COL6A2: variants seen among roughly 807,000 people sequenced by gnomAD.
COL6A2 encodes the protein collagen alpha-2(VI) chain.
In COL6A2, 90 loss-of-function variants were observed where a neutral mutation model predicts 124.9. The observed-to-expected ratio is 0.72, with a 90% CI of 0.61 to 0.86. The LOEUF is 0.86. Ranked by LOEUF, COL6A2 falls within the 40% of genes least tolerant of loss-of-function variation. The pLI is 0.00. For missense variants in COL6A2, 1,607 were observed against 1,502.5 expected (o/e 1.07, Z -1.15); for synonymous variants, 793 against 618.2 (o/e 1.28, Z -4.19).
intron 1 of COL6A2, among the ~76,000 whole-genome samples, chr21:46,107,894 C>A (rs2078351567): frequency 6.6e-6 from 1 of 152,176 alleles, no homozygotes; most frequent in Non-Finnish European, 1.5e-5. Flanking sequence ...ACCCCAGCCA[C>A]CTTGGGTACA....
intron 27 of COL6A2, chr21:46,128,975 G>A (rs201936441): frequency 2.7e-4 from 439 of 1,608,882 alleles, no homozygotes; most frequent in Non-Finnish European, 3.5e-4. Context: ...GCCACCGTGC[G>A]GGTCTCCTAG....
chr21:46,118,419 C>T (rs1048874176), intron 12 of COL6A2, among the ~76,000 whole-genome samples, 195 bp from the exon 13 acceptor site: 16 of 152,320 alleles, frequency 1.1e-4, no homozygotes, highest in African/African-American at 3.4e-4. Flanking sequence ...GCGTCCTGCC[C>T]GTGACACACA....
At position 46,131,996 on chromosome 21, in the gene COL6A2, T is replaced by G; in HGVS notation, c.2504T>G (p.Val835Gly). The change falls in exon 28 of 28, where the codon GTC becomes GGC. Residue 835 changes from valine to glycine, a missense_variant. Around this residue, in one of 3 missense-constraint regions of COL6A2, gnomAD observed 1,223 missense variants for 1,052.2 expected, o/e 1.16. Transcript: ENST00000300527. ...TGCACGCAGCGGCCCGTGGACATCG[T>G]CTTCCTGCTGGACGGCTCCGAGCGG... ...AQCTQRPVDI[V>G]FLLDGSERLG... 6.2e-7 allele frequency: 1 copy of G among 1,610,170 alleles called. No individual in the cohort carries two copies. The highest frequency in any genetic ancestry group is 8.5e-7 in the Non-Finnish European group (1 of 1,179,436).
chr21:46,101,886 G>A (rs2078291671), intron 1 of COL6A2, among the ~76,000 whole-genome samples: 2 of 116,996 alleles, frequency 1.7e-5, no homozygotes, highest in Non-Finnish European at 1.7e-5. Context: ...GGCTATTCGA[G>A]GTCCCTTGAG....
rs2078482499 is a variant in COL6A2 at position 46,116,968 on chromosome 21, C to T, written c.999+154C>T. On this transcript the variant is annotated intron_variant, in intron 10 of 27. Transcript: ENST00000300527. The surrounding 1 kb of genome is among the most constrained non-coding windows in gnomAD (Gnocchi z 4.6). Reference sequence around the variant, plus strand: ...ACACACACACACACGAACTTCAGCTCCTGCCACATCCCACTGCCCCACCCA... The same window carrying T: ...ACACACACACACACGAACTTCAGCTTCTGCCACATCCCACTGCCCCACCCA... Among the ~76,000 whole-genome samples, 2 of 150,048 alleles carry T rather than the reference C, an allele frequency of 1.3e-5. No homozygotes were observed. The highest frequency in any genetic ancestry group is 2.5e-5 in the African/African-American group (1 of 40,506).
Position 46,112,145 on chromosome 21 carries a change from G to A in COL6A2, c.282G>A (p.Trp94Ter). The A allele has an allele frequency of 6.2e-7, 1 of 1,613,134 alleles. No individual in the cohort carries two copies. Among genetic ancestry groups the A allele is most frequent in the Non-Finnish European group, 8.5e-7 (1 of 1,180,030 alleles). Residue 94 changes from tryptophan to a stop codon, truncating the protein, a stop_gained, in exon 3 of 28, where the codon TGG (tryptophan) becomes TGA (stop). Transcript: ENST00000300527. LOFTEE classifies it high-confidence loss of function. ...ACCTGGACCAGGTGGCGCTGAGCTG[G>A]CGCTACGGCGGCCTGCACTTCTCTG... ...EFYLDQVALSWRYGGLHFSDQ... is the reference protein window; with the variant it reads ...EFYLDQVALS
chr21:46,130,970 C>G (rs777525211), intron 27 of COL6A2, among the ~76,000 whole-genome samples: 1 of 152,246 alleles, frequency 6.6e-6, no homozygotes, highest in Non-Finnish European at 1.5e-5. Context: ...GTGTTCAGAG[C>G]TTTGCTCACT....
Position 46,132,837 on chromosome 21 carries a change from G to C in COL6A2, c.*285G>C, listed in dbSNP as rs1364123659. 5.7e-6 allele frequency: 3 copies of C among 525,366 alleles called. No individual in the cohort carries two copies. The highest frequency in any genetic ancestry group is 1.0e-5 in the Non-Finnish European group (3 of 289,788). 32.5% of individuals were successfully genotyped at this position (525,366 alleles called of 1,614,324 possible). On this transcript the variant is annotated 3_prime_UTR_variant, in exon 28 of 28. Transcript: ENST00000300527. ...TGGAGCAAGCCCTGACCCAATAAAG[G>C]CTTTGAACCCATTGCGTGCCTGCTT...
intron 4 of COL6A2, chr21:46,113,788 C>A: frequency 1.6e-6 from 1 of 621,210 alleles, no homozygotes; most frequent in Non-Finnish European, 2.9e-6. Flanking sequence ...GCCTAGAACA[C>A]CTGACCGAGA....
chr21:46,132,245 G>A lies in COL6A2; in HGVS notation c.2753G>A (p.Gly918Asp). Residue 918 changes from glycine to aspartate, a missense_variant, in exon 28 of 28, where the codon GGC (glycine) becomes GAC (aspartate). Around this residue, in one of 3 missense-constraint regions of COL6A2, gnomAD observed 1,223 missense variants for 1,052.2 expected, o/e 1.16. Coordinates refer to ENST00000300527, the MANE Select transcript of COL6A2 (RefSeq NM_001849.4). The stretch of plus-strand genomic sequence containing the variant: ...TACCTGAACTCCTTCTCGCACGTGG[G>A]CGCAGGCGTGGTGCACGCCATCAAT... Reference protein sequence around the residue: ...TQYLNSFSHVGAGVVHAINAI... With the variant: ...TQYLNSFSHVDAGVVHAINAI... 2 of 1,603,636 alleles carry A rather than the reference G, an allele frequency of 1.2e-6. No homozygotes were observed. Among genetic ancestry groups the A allele is most frequent in the South Asian group, 1.1e-5 (1 of 90,150 alleles).
intron 4 of COL6A2, 176 bp from the exon 5 acceptor site, chr21:46,113,832 G>C: frequency 2.9e-6 from 2 of 685,084 alleles, no homozygotes; most frequent in Non-Finnish European, 5.3e-6. Flanking sequence ...GATGGGGGCA[G>C]AGCCTCACAG....
At chr21:46,109,090 C>T (rs762076165) in intron 1 of COL6A2, among the ~76,000 whole-genome samples, 61 of 152,122 alleles carry the variant, frequency 4.0e-4, no homozygotes, top group African/African-American at 1.1e-3. Context: ...GGCAGGTCAT[C>T]CCATTGTCTC....
rs747184649 is a variant in COL6A2, at chr21:46,112,195, C to T, written c.332C>T (p.Pro111Leu). The T allele has an allele frequency of 1.7e-5, 28 of 1,612,834 alleles. No homozygotes were observed. The highest frequency in any genetic ancestry group is 1.6e-4 in the Middle Eastern group (1 of 6,084). The change falls in exon 3 of 28, where the codon CCG becomes CTG. Residue 111 changes from proline to leucine, a missense_variant. Pro to Leu is a moderately conservative substitution (Grantham distance 98). Coordinates refer to ENST00000300527, the MANE Select transcript of COL6A2 (RefSeq NM_001849.4). ...FSDQVEVFSP[P>L]GSDRASFIKN... ...GACCAGGTGGAGGTGTTCAGCCCAC[C>T]GGGCAGCGACCGGGCCTCCTTCATC...
Position 46,115,971 on chromosome 21 carries a change from C to G in COL6A2, c.856-38C>G, listed in dbSNP as rs1195088692. On this transcript the variant is annotated intron_variant, in intron 6 of 27. Coordinates refer to ENST00000300527, the MANE Select transcript of COL6A2 (RefSeq NM_001849.4). ...CCCGCCCCGCCTGCAGCCCAGCGCC[C>G]CAGGGCTGGGCTCACACTGCTGCGT... 3.7e-6 allele frequency: 6 copies of G among 1,611,310 alleles called. No individual in the cohort carries two copies. In the African/African-American group the frequency reaches 5.3e-5, roughly 14 times the overall value.
In COL6A2 at chr21:46,122,165, C is replaced by CA; in HGVS notation, c.1572+8dup. ...AGGACCCCGAGGAGCACCCGTGAGT[C>CA]ACAGCCTGGGATGGCAGCTCCCAGG... On this transcript the variant is annotated splice_region_variant and intron_variant, in intron 19 of 27. Transcript: ENST00000300527. The CA allele has an allele frequency of 6.2e-7, 1 of 1,612,376 alleles. No individual in the cohort carries two copies. The highest frequency in any genetic ancestry group is 1.1e-5 in the South Asian group (1 of 90,936).
At position 46,125,457 on chromosome 21, in the gene COL6A2, C is replaced by CT. The variant is rs776746362; in HGVS notation, c.1817-8_1817-7insT. 2 of 1,612,594 alleles carry CT rather than the reference C, an allele frequency of 1.2e-6. No individual in the cohort carries two copies. Among genetic ancestry groups the CT allele is most frequent in the South Asian group, 2.2e-5 (2 of 91,070 alleles). ...CGGTACCCCCCGATGACCCTGCCAC[C>CT]CCCCCAGACTGTGAGAAGCGCTGTG... On this transcript the variant is annotated splice_region_variant and splice_polypyrimidine_tract_variant and intron_variant, in intron 24 of 27. Coordinates refer to ENST00000300527, the MANE Select transcript of COL6A2 (RefSeq NM_001849.4).
intron 1 of COL6A2, among the ~76,000 whole-genome samples, chr21:46,110,640 A>G (rs1046700191): frequency 2.0e-5 from 3 of 151,184 alleles, no homozygotes; most frequent in Non-Finnish European, 4.4e-5. Context: ...GTGCTTGGAC[A>G]CTCCTCCCAT....
chr21:46,127,846 C>T (rs1362478886), intron 27 of COL6A2, among the ~76,000 whole-genome samples: 1 of 152,160 alleles, frequency 6.6e-6, no homozygotes, highest in Non-Finnish European at 1.5e-5. Flanking sequence ...GACCTTTCCT[C>T]TTTAGCCTAT....
intron 15 of COL6A2, 70 bp from the exon 16 acceptor site, chr21:46,120,445 C>T (rs1317773782): frequency 1.3e-5 from 17 of 1,304,872 alleles, no homozygotes; most frequent in South Asian, 1.0e-4. Flanking sequence ...CGGCCACACC[C>T]GCCTCTCACA....
Sources: gnomAD v4.1 joint callset for allele counts (sites outside exome capture counted in the v4.1 genomes callset) on GRCh38, gnomAD v4.1.1 for gene constraint, gnomAD v4.1.1 regional missense constraint, Gnocchi (gnomAD v3.1) non-coding constraint, MANE v1.5 for transcripts, NCBI Gene and HGNC (gene_info 2026-07-23, HGNC 2026-07-21) for gene names.